The following AKAP9 variants were observed in gnomAD, a reference collection of about 807,000 sequenced individuals.
AKAP9 encodes A-kinase anchor protein 9.
In AKAP9, 311 loss-of-function variants were observed where a neutral mutation model predicts 488.5. The observed-to-expected ratio is 0.64, with a 90% confidence interval of 0.58 to 0.70. The LOEUF (loss-of-function observed/expected upper bound fraction) is 0.70, where lower values mean the gene tolerates loss of function less well. Among genes scored for constraint, AKAP9 ranks in the 30% least tolerant of loss-of-function variants. The pLI, the probability that AKAP9 is intolerant of heterozygous loss-of-function variation, is 0.00. For missense variants in AKAP9, 4,215 were observed against 4,374.5 expected (o/e 0.96, Z 1.03); for synonymous variants, 1,462 against 1,483.5 (o/e 0.99, Z 0.33).
intron 22 of AKAP9, among the ~76,000 whole-genome samples, chr7:92,058,631 G>T (rs548841619): frequency 1.3e-5 from 2 of 152,076 alleles, no homozygotes; most frequent in South Asian, 4.1e-4. Context: ...TCCAATGCCA[G>T]GCAGTTTGTT....
At chr7:91,999,787 G>C (rs1201356482) in intron 7 of AKAP9, among the ~76,000 whole-genome samples, 1 of 152,196 alleles carries the variant, frequency 6.6e-6, no homozygotes, top group Non-Finnish European at 1.5e-5. Flanking sequence ...GTACTTGAAT[G>C]GGCACTGCCA....
chr7:92,002,915 A>G lies in AKAP9; in HGVS notation c.2998A>G (p.Ile1000Val), dbSNP rs779137184. Reference protein sequence around the residue: ...VSLRCRELEIIINHNRAENVQ... With the variant: ...VSLRCRELEIVINHNRAENVQ... Reference sequence around the variant, plus strand: ...ATTGAGATGTAGAGAGCTAGAAATCATTATTAACCACAACAGGGCAGAAAA... The same window carrying G: ...ATTGAGATGTAGAGAGCTAGAAATCGTTATTAACCACAACAGGGCAGAAAA... The change falls in exon 8 of 50, where the codon ATT (isoleucine) becomes GTT (valine). Residue 1000 changes from isoleucine to valine, a missense_variant. This residue lies in a region of AKAP9 where 2,361 missense variants were observed against 2,430.0 expected (regional missense o/e 0.97). Coordinates refer to ENST00000356239, the MANE Select transcript of AKAP9 (RefSeq NM_005751.5). The G allele has an allele frequency of 1.9e-6, 3 of 1,611,594 alleles. No individual in the cohort carries two copies. Among genetic ancestry groups the G allele is most frequent in the African/African-American group, 2.7e-5 (2 of 74,806 alleles).
At chr7:91,966,076 AG>A (rs1794413504) in intron 1 of AKAP9, among the ~76,000 whole-genome samples, 1 of 152,126 alleles carries the variant, frequency 6.6e-6, no homozygotes, top group South Asian at 2.1e-4. Context: ...TTGTAGAGAT[AG>A]ATCTATGTCT....
intron 40 of AKAP9, among the ~76,000 whole-genome samples, chr7:92,096,334 GTT>G (rs769758632): frequency 8.1e-5 from 10 of 123,938 alleles, no homozygotes; most frequent in Non-Finnish European, 7.0e-5. Flanking sequence ...AGTTTTTTTT[GTT>G]TTTTTTTTTT....
rs1216270782 is a variant in AKAP9 at position 92,001,871 on chromosome 7, AT to A, written c.1956del (p.Ile652MetfsTer8). The A allele has an allele frequency of 6.2e-7, 1 of 1,613,272 alleles. No homozygotes were observed. The highest frequency in any genetic ancestry group is 1.1e-5 in the South Asian group (1 of 91,022). On this transcript the variant is annotated frameshift_variant, in exon 8 of 50. Coordinates refer to ENST00000356239, the MANE Select transcript of AKAP9 (RefSeq NM_005751.5). LOFTEE classifies it high-confidence loss of function. ...EDLEIEHRIN[I>X]EKLKDNLGIH... Reference sequence around the variant, plus strand: ...TTTAGAAATTGAACATCGAATAAATATTGAAAAACTTAAAGATAATTTAGGC... The same window carrying A: ...TTTAGAAATTGAACATCGAATAAATATGAAAAACTTAAAGATAATTTAGGC...
At chr7:92,099,997 A>G (rs1817254305) in intron 44 of AKAP9, 128 bp downstream of exon 44, 1 of 801,078 alleles carries the variant, frequency 1.2e-6, no homozygotes, top group African/African-American at 1.7e-5. Flanking sequence ...TCTGTAGAAA[A>G]TTTTATAGGG....
intron 38 of AKAP9, 61 bp downstream of exon 38, chr7:92,089,590 T>G: frequency 3.3e-6 from 5 of 1,526,726 alleles, no homozygotes; most frequent in Non-Finnish European, 2.7e-6. Flanking sequence ...CACTTTGTTT[T>G]CTTTCTTATT....
chr7:91,941,018 C>T lies in AKAP9; in HGVS notation c.-82C>T. The T allele has an allele frequency of 7.1e-7, 1 of 1,408,242 alleles. No individual in the cohort carries two copies. Among genetic ancestry groups the T allele is most frequent in the Non-Finnish European group, 1.0e-6 (1 of 992,386 alleles). 87.2% of individuals were successfully genotyped at this position (1,408,242 alleles called of 1,614,324 possible). A position where few individuals can be genotyped will look rare whatever the true frequency, so the allele number is the denominator to read the frequency against. On this transcript the variant is annotated 5_prime_UTR_variant, in exon 1 of 50. Transcript: ENST00000356239. ...CTCTAGGCCGTGGAGCTTGCCGTCC[C>T]ACCTCCGTCCAAATCGACCTTTCCT...
chr7:91,943,194 G>A (rs1473783357), intron 1 of AKAP9, among the ~76,000 whole-genome samples: 1 of 151,688 alleles, frequency 6.6e-6, no homozygotes, highest in Non-Finnish European at 1.5e-5. Flanking sequence ...ATGAGATCCT[G>A]TTTCAGAAAA....
chr7:92,067,855 T>C (rs1417611238), intron 26 of AKAP9, among the ~76,000 whole-genome samples: 1 of 152,202 alleles, frequency 6.6e-6, no homozygotes, highest in African/African-American at 2.4e-5. Flanking sequence ...ATTTCTAAAA[T>C]AGAGATTGTA....
At chr7:92,077,059 T>A (rs1308231594) in intron 29 of AKAP9, 52 bp downstream of exon 29, 2 of 808,758 alleles carry the variant, frequency 2.5e-6, no homozygotes, top group Non-Finnish European at 1.8e-6. Flanking sequence ...GTTTCAGTCC[T>A]ATATTGCTTT....
At chr7:92,091,602 A>C (rs1185287700) in intron 38 of AKAP9, among the ~76,000 whole-genome samples, 1 of 150,530 alleles carries the variant, frequency 6.6e-6, no homozygotes, top group Non-Finnish European at 1.5e-5. Flanking sequence ...AAAAAACAAA[A>C]AAAAAAAACA....
At chr7:91,941,279 G>A in intron 1 of AKAP9, 132 bp downstream of exon 1, 1 of 804,094 alleles carries the variant, frequency 1.2e-6, no homozygotes, top group Non-Finnish European at 2.0e-6. Context: ...AGGGTCTTAG[G>A]GTCTGCATCT....
rs1318456659 is a variant in AKAP9, at chr7:92,083,292, C to T, written c.8283C>T (p.Ser2761=). Residue 2761 remains serine, a synonymous_variant, in exon 33 of 50, where the codon AGC becomes AGT. Transcript: ENST00000356239. The part of the protein sequence containing the change: ...EKEDETEVQE[S]KKACMFEPLP... The stretch of plus-strand genomic sequence containing the variant: ...AAGATGAGACTGAGGTACAAGAAAG[C>T]AAAAAGGCCTGCATGTTTGAGCCAC... The T allele has an allele frequency of 3.6e-5, 58 of 1,613,930 alleles. No individual in the cohort carries two copies. Among genetic ancestry groups the T allele is most frequent in the African/African-American group, 1.9e-4 (14 of 74,900 alleles).
Position 92,074,918 on chromosome 7 carries a change from G to A in AKAP9, c.6613-1937G>A, listed in dbSNP as rs1397742761. ...GGAGAAACACCTAATGTAGATGACGGATTGATGGGTGCAGCAAACTACAAT... is the reference window on the plus strand; with the variant it reads ...GGAGAAACACCTAATGTAGATGACGAATTGATGGGTGCAGCAAACTACAAT... On this transcript the variant is annotated intron_variant, in intron 28 of 49. Coordinates refer to ENST00000356239, the MANE Select transcript of AKAP9 (RefSeq NM_005751.5). 2.6e-5 allele frequency among the ~76,000 whole-genome samples: 4 copies of A among 152,056 alleles called. No homozygotes were observed. The East Asian group carries it at 7.7e-4, about 29-fold the overall frequency.
chr7:92,033,216 G>A (rs1804573294), intron 16 of AKAP9, among the ~76,000 whole-genome samples: 2 of 151,992 alleles, frequency 1.3e-5, no homozygotes, highest in Non-Finnish European at 1.5e-5. Context: ...AGACCTGCAC[G>A]TTGTGCACAT....
Position 92,045,265 on chromosome 7 carries a change from T to A in AKAP9, c.5368+52T>A, listed in dbSNP as rs763651856. ...AATCATTTCAACAAATCTGCTGAGTTCAAGGCATTTTGCCATGTGTTGAAA... is the reference window on the plus strand; with the variant it reads ...AATCATTTCAACAAATCTGCTGAGTACAAGGCATTTTGCCATGTGTTGAAA... On this transcript the variant is annotated intron_variant, in intron 21 of 49. Transcript: ENST00000356239. 7 of 1,550,082 alleles carry A rather than the reference T, an allele frequency of 4.5e-6. No homozygotes were observed. In the African/African-American group the frequency reaches 9.5e-5, roughly 21 times the overall value.
intron 9 of AKAP9, 82 bp downstream of exon 9, chr7:92,012,724 C>G (rs753957707): frequency 8.6e-6 from 10 of 1,164,716 alleles, no homozygotes; most frequent in Non-Finnish European, 1.1e-5. Flanking sequence ...TTTTCCTTGT[C>G]ATAGAACCCA....
chr7:92,080,291 A>C (rs1813294238), intron 31 of AKAP9, 139 bp downstream of exon 31: 1 of 795,180 alleles, frequency 1.3e-6, no homozygotes, highest in African/African-American at 1.8e-5. Flanking sequence ...CTTATAAAAA[A>C]TAAACTCTTG....
Sources: gnomAD v4.1 joint callset for allele counts (sites outside exome capture counted in the v4.1 genomes callset) on GRCh38, gnomAD v4.1.1 for gene constraint, gnomAD v4.1.1 regional missense constraint, MANE v1.5 for transcripts, NCBI Gene and HGNC (gene_info 2026-07-23, HGNC 2026-07-21) for gene names.